The following PDZRN4 variants were observed in gnomAD, a reference collection of about 807,000 sequenced individuals.
The protein encoded by PDZRN4 is PDZ domain containing ring finger 4.
In PDZRN4, 70 loss-of-function variants were observed where a neutral mutation model predicts 99.0. The observed-to-expected ratio is 0.71, with a 90% confidence interval of 0.58 to 0.86. The LOEUF (loss-of-function observed/expected upper bound fraction) is 0.86, where lower values mean the gene tolerates loss of function less well. Among genes scored for constraint, PDZRN4 ranks in the 40% least tolerant of loss-of-function variants. PDZRN4 has a pLI of 0.00. For synonymous variants in PDZRN4, 551 were observed against 501.6 expected (o/e 1.10, Z -1.32); for missense variants, 1,474 against 1,331.2 (o/e 1.11, Z -1.67).
chr12:41,191,545 G>A lies in PDZRN4; in HGVS notation c.735+1G>A. On this transcript the variant is annotated splice_donor_variant, in intron 2 of 9. Coordinates refer to ENST00000402685, the MANE Select transcript of PDZRN4 (RefSeq NM_001164595.2). LOFTEE classifies it high-confidence loss of function. ...TATTATAGGAGGTCGACCAAATCAG[G>A]TAAAACACCTTGTTAATGCATTACT... The A allele has an allele frequency of 2.1e-6, 3 of 1,400,138 alleles. No homozygotes were observed. The highest frequency in any genetic ancestry group is 1.2e-5 in the South Asian group (1 of 85,958). 86.7% of individuals were successfully genotyped at this position (1,400,138 alleles called of 1,614,324 possible). A position where few individuals can be genotyped will look rare whatever the true frequency, so the allele number is the denominator to read the frequency against.
chr12:41,426,505 T>C (rs1433382514), intron 3 of PDZRN4, among the ~76,000 whole-genome samples: 1 of 152,168 alleles, frequency 6.6e-6, no homozygotes, highest in Non-Finnish European at 1.5e-5. Flanking sequence ...GTATATCTTA[T>C]TGAAAAAGGC....
At chr12:41,523,977 C>G (rs2120721394) in intron 5 of PDZRN4, among the ~76,000 whole-genome samples, 1 of 152,212 alleles carries the variant, frequency 6.6e-6, no homozygotes, top group Admixed American at 6.5e-5. Flanking sequence ...ATGAAATCAT[C>G]ACCACAACCT....
intron 3 of PDZRN4, among the ~76,000 whole-genome samples, chr12:41,301,767 G>A (rs1051864459): frequency 6.6e-6 from 1 of 151,968 alleles, no homozygotes; most frequent in African/African-American, 2.4e-5. Context: ...AGGATGCCTG[G>A]CACCAAAATA....
chr12:41,569,420 A>G (rs958681803), intron 9 of PDZRN4, among the ~76,000 whole-genome samples: 4 of 151,432 alleles, frequency 2.6e-5, no homozygotes, highest in Non-Finnish European at 5.9e-5. Flanking sequence ...ACACCCAGCT[A>G]ATTTTTGTAT....
intron 3 of PDZRN4, among the ~76,000 whole-genome samples, chr12:41,312,391 T>C (rs534084435): frequency 6.6e-6 from 1 of 152,186 alleles, no homozygotes; most frequent in Non-Finnish European, 1.5e-5. Context: ...CCAGGTCTTG[T>C]AGTATCTTCA....
chr12:41,335,678 T>C (rs1474166933), intron 3 of PDZRN4, among the ~76,000 whole-genome samples: 3 of 152,114 alleles, frequency 2.0e-5, no homozygotes, highest in Non-Finnish European at 1.5e-5. Flanking sequence ...AATATTACTT[T>C]GTGGACTTCT....
intron 3 of PDZRN4, among the ~76,000 whole-genome samples, chr12:41,241,110 G>A (rs1216976017): frequency 6.6e-6 from 1 of 151,938 alleles, no homozygotes; most frequent in East Asian, 1.9e-4. Context: ...AAGACCAGAA[G>A]TGTTTCAGAT....
At chr12:41,422,622 C>T (rs1952501630) in intron 3 of PDZRN4, among the ~76,000 whole-genome samples, 1 of 151,934 alleles carries the variant, frequency 6.6e-6, no homozygotes, top group African/African-American at 2.4e-5. Context: ...GGGGAATGTG[C>T]CACACTTTAA....
At chr12:41,228,596 A>T (rs11830850) in intron 3 of PDZRN4, among the ~76,000 whole-genome samples, 9,240 of 152,192 alleles carry the variant, frequency 0.061, 452 homozygotes, top group East Asian at 0.17. Flanking sequence ...TCATCTTCCT[A>T]AATAAAAAGG....
chr12:41,314,249 A>G (rs1951624813), intron 3 of PDZRN4, among the ~76,000 whole-genome samples: 1 of 152,206 alleles, frequency 6.6e-6, no homozygotes, highest in East Asian at 1.9e-4. Flanking sequence ...ATCCCTATAG[A>G]AGTTAAATTT....
At chr12:41,450,307 T>C (rs887999487) in intron 3 of PDZRN4, among the ~76,000 whole-genome samples, 1 of 152,162 alleles carries the variant, frequency 6.6e-6, no homozygotes, top group Non-Finnish European at 1.5e-5. Flanking sequence ...CCAATATCAG[T>C]TAAGCTTTTC....
intron 3 of PDZRN4, among the ~76,000 whole-genome samples, chr12:41,246,206 G>T (rs1951132848): frequency 6.6e-6 from 1 of 152,120 alleles, no homozygotes; most frequent in Non-Finnish European, 1.5e-5. Flanking sequence ...TGTCTGCATA[G>T]ATTTTTTAAA....
chr12:41,420,326 C>T (rs927892293), intron 3 of PDZRN4, among the ~76,000 whole-genome samples: 4 of 152,166 alleles, frequency 2.6e-5, no homozygotes, highest in Non-Finnish European at 5.9e-5. Flanking sequence ...CTTTCTTGAA[C>T]TCATTCCTAT....
chr12:41,289,576 A>G (rs937938101), intron 3 of PDZRN4, among the ~76,000 whole-genome samples: 1 of 152,174 alleles, frequency 6.6e-6, no homozygotes, highest in Admixed American at 6.5e-5. Flanking sequence ...AATTTATGTA[A>G]TAGAGGGCCT....
chr12:41,307,043 C>A (rs1951575937), intron 3 of PDZRN4, among the ~76,000 whole-genome samples: 1 of 152,140 alleles, frequency 6.6e-6, no homozygotes, highest in South Asian at 2.1e-4. Context: ...TTTATGGCAA[C>A]CCTGACATTT....
chr12:41,276,864 G>T (rs1007924184), intron 3 of PDZRN4, among the ~76,000 whole-genome samples: 1 of 152,174 alleles, frequency 6.6e-6, no homozygotes, highest in African/African-American at 2.4e-5. Context: ...ATAAACCAGA[G>T]TCAGCAGTAT....
intron 3 of PDZRN4, among the ~76,000 whole-genome samples, chr12:41,460,887 C>T (rs1476465292): frequency 3.3e-5 from 5 of 152,178 alleles, no homozygotes; most frequent in Non-Finnish European, 7.3e-5. Flanking sequence ...TGTTGCTCGT[C>T]TAAGGGACAG....
intron 3 of PDZRN4, among the ~76,000 whole-genome samples, chr12:41,364,105 A>C (rs752556455): frequency 2.6e-5 from 4 of 152,096 alleles, no homozygotes; most frequent in Admixed American, 2.6e-4. Flanking sequence ...TTGCCCTCTG[A>C]CAAGGATAAG....
At chr12:41,464,060 A>C (rs1952899599) in intron 3 of PDZRN4, among the ~76,000 whole-genome samples, 1 of 152,122 alleles carries the variant, frequency 6.6e-6, no homozygotes, top group South Asian at 2.1e-4. Flanking sequence ...TTGCATTTCC[A>C]AGCACGCCAG....
Sources: allele counts gnomAD v4.1 joint callset (sites outside exome capture counted in the v4.1 genomes callset), GRCh38; gene constraint gnomAD v4.1.1; transcripts MANE v1.5; gene names NCBI Gene and HGNC (gene_info 2026-07-23, HGNC 2026-07-21).